The following TWF2 variants were observed in gnomAD, a reference collection of about 807,000 sequenced individuals.
The protein encoded by TWF2 is twinfilin actin binding protein 2.
TWF2 carries 15 observed loss-of-function variants against 45.1 expected under a neutral mutation model. That is an observed-to-expected ratio of 0.33 (90% CI 0.22 to 0.51). The LOEUF is 0.51. Among genes scored for constraint, TWF2 ranks in the 20% least tolerant of loss-of-function variants. The pLI is 0.97. For missense variants in TWF2, 423 were observed against 469.1 expected (o/e 0.90, Z 0.91); for synonymous variants, 177 against 195.8 (o/e 0.90, Z 0.80).
rs1699709793 is a variant in TWF2 at position 52,234,768 on chromosome 3, G to A, written c.103+261C>T. Among the ~76,000 whole-genome samples, 4 of 152,238 alleles carry A rather than the reference G, an allele frequency of 2.6e-5. No homozygotes were observed. In the South Asian group the frequency reaches 8.3e-4, roughly 31 times the overall value. ...CCATCTGAATATCCATGCAGCCTCT[G>A]GGAGGTGGCAGGACCCCAGGACAGG... On this transcript the variant is annotated intron_variant, in intron 2 of 8. Coordinates refer to ENST00000305533, the MANE Select transcript of TWF2 (RefSeq NM_007284.4).
chr3:52,229,896 G>C, intron 7 of TWF2, 24 bp downstream of exon 7: 1 of 1,599,314 alleles, frequency 6.3e-7, no homozygotes. Context: ...CCACAGGCTT[G>C]GGAGCCCTGC....
Position 52,229,005 on chromosome 3 carries a change from C to A in TWF2, c.*29G>T. The A allele has an allele frequency of 6.2e-7, 1 of 1,603,722 alleles. No homozygotes were observed. ...AGCGGAAGGTGGGCAGCCCCACAGT[C>A]CACACGTGGCCGGCCCTGCTCCAGC... On this transcript the variant is annotated 3_prime_UTR_variant, in exon 9 of 9. Coordinates refer to ENST00000305533, the MANE Select transcript of TWF2 (RefSeq NM_007284.4).
At position 52,234,081 on chromosome 3, in the gene TWF2, C is replaced by T. The variant is rs561523285; in HGVS notation, c.103+948G>A. 3.5e-4 allele frequency among the ~76,000 whole-genome samples: 54 copies of T among 152,230 alleles called. 1 individual carries two copies. The highest frequency in any genetic ancestry group is 1.9e-3 in the Admixed American group (29 of 15,280). Reference sequence around the variant, plus strand: ...ATATTCTGCCACAGTGACCCCTGCCCAGTCTCTGAGGGCATCAGAATTTGG... The same window carrying T: ...ATATTCTGCCACAGTGACCCCTGCCTAGTCTCTGAGGGCATCAGAATTTGG... On this transcript the variant is annotated intron_variant, in intron 2 of 8. Transcript: ENST00000305533.
chr3:52,235,152 C>G (rs1444130100), intron 1 of TWF2, 46 bp from the exon 2 acceptor site: 1 of 1,597,068 alleles, frequency 6.3e-7, no homozygotes, highest in Admixed American at 1.7e-5. Context: ...GCAGAGTGGA[C>G]AGAGACGAGT....
At chr3:52,230,817 G>C (rs977190660) in intron 6 of TWF2, 53 bp downstream of exon 6, 1 of 1,585,170 alleles carries the variant, frequency 6.3e-7, no homozygotes, top group Non-Finnish European at 8.6e-7. Flanking sequence ...CATGTGCATG[G>C]GCAGGAGTAG....
At position 52,230,995 on chromosome 3, in the gene TWF2, C is replaced by T; in HGVS notation, c.484G>A (p.Val162Met). 3 of 1,607,768 alleles carry T rather than the reference C, an allele frequency of 1.9e-6. No homozygotes were observed. The highest frequency in any genetic ancestry group is 1.1e-5 in the South Asian group (1 of 90,488). The change falls in exon 6 of 9, where the codon GTG (valine) becomes ATG (methionine). Residue 162 changes from valine (V) to methionine (M), a missense_variant and splice_region_variant. Val to Met is a conservative substitution (Grantham distance 21). Coordinates refer to ENST00000305533, the MANE Select transcript of TWF2 (RefSeq NM_007284.4). ...CTTTCCACACTGATCTCTGTCTTCA[C>T]CTGTGGGTAGGGGAATGGTGAGGGA... ...RELQQIRINE[V>M]KTEISVESKH... is the part of the protein sequence containing the mutation.
Position 52,235,075 on chromosome 3 carries a change from C to T in TWF2, c.57G>A (p.Lys19=). ...TGAGCCGCACAGAGCCAGCCCGTGC[C>T]TTGGCAAAGAATTCCTTCAGCTCTT... ...ATEELKEFFA[K]ARAGSVRLIK... Residue 19 remains lysine, a synonymous_variant, in exon 2 of 9, where the codon AAG becomes AAA. Coordinates refer to ENST00000305533, the MANE Select transcript of TWF2 (RefSeq NM_007284.4). 1 of 1,614,026 alleles carries T rather than the reference C, an allele frequency of 6.2e-7. No individual in the cohort carries two copies. Among genetic ancestry groups the T allele is most frequent in the Non-Finnish European group, 8.5e-7 (1 of 1,180,032 alleles).
Position 52,231,676 on chromosome 3 carries a change from C to G in TWF2, c.283-137G>C, listed in dbSNP as rs865912370. The G allele has an allele frequency of 2.6e-4, 279 of 1,061,946 alleles. 1 individual carries two copies. Among genetic ancestry groups the G allele is most frequent in the Middle Eastern group, 1.2e-3 (4 of 3,354 alleles). 65.8% of individuals were successfully genotyped at this position (1,061,946 alleles called of 1,614,324 possible). A position where few individuals can be genotyped will look rare whatever the true frequency, so the allele number is the denominator to read the frequency against. ...AGAGGGCCAGCCCGGGGCCAGGACG[C>G]AGCAGGTGGCCCCCACCAGCAGGGG... is the stretch of plus-strand genomic sequence containing the variant. On this transcript the variant is annotated intron_variant, in intron 3 of 8. Coordinates refer to ENST00000305533, the MANE Select transcript of TWF2 (RefSeq NM_007284.4).
chr3:52,238,862 C>G, intron 1 of TWF2, 130 bp downstream of exon 1: 2 of 1,316,404 alleles, frequency 1.5e-6, no homozygotes, highest in Non-Finnish European at 2.0e-6. Context: ...CCAGGCGACC[C>G]GCGGCTGCAA....
At chr3:52,238,365 G>A (rs1361418577) in intron 1 of TWF2, among the ~76,000 whole-genome samples, 1 of 152,196 alleles carries the variant, frequency 6.6e-6, no homozygotes, top group Non-Finnish European at 1.5e-5. Flanking sequence ...AGCCTGGGGA[G>A]AGTGAGTGTC....
chr3:52,238,994 T>C lies in TWF2; in HGVS notation c.23A>G (p.His8Arg), dbSNP rs1379785416. MAHQTGI[H>R]ATEELKEFFA... ...GCCCGCCCGCCATCCGCCCTCACCGTGGATGCCCGTTTGGTGCGCCATGGC... is the reference window on the plus strand; with the variant it reads ...GCCCGCCCGCCATCCGCCCTCACCGCGGATGCCCGTTTGGTGCGCCATGGC... The change falls in exon 1 of 9, where the codon CAC becomes CGC. Residue 8 changes from histidine (H) to arginine (R), a missense_variant and splice_region_variant. Coordinates refer to ENST00000305533, the MANE Select transcript of TWF2 (RefSeq NM_007284.4). 6.3e-7 allele frequency: 1 copy of C among 1,595,376 alleles called. No homozygotes were observed. The highest frequency in any genetic ancestry group is 2.0e-4 in the Middle Eastern group (1 of 5,096).
In TWF2 at chr3:52,230,985, T is replaced by A. The variant is rs373959049; in HGVS notation, c.494A>T (p.Glu165Val). 3.2e-5 allele frequency: 51 copies of A among 1,606,102 alleles called. No homozygotes were observed. Among genetic ancestry groups the A allele is most frequent in the Non-Finnish European group, 4.3e-5 (51 of 1,176,484 alleles). The change falls in exon 6 of 9, where the codon GAG becomes GTG. Residue 165 changes from glutamate to valine, a missense_variant. Glu to Val is a moderately radical substitution (Grantham distance 121). Coordinates refer to ENST00000305533, the MANE Select transcript of TWF2 (RefSeq NM_007284.4). ...CTGGTGCTTGCTTTCCACACTGATC[T>A]CTGTCTTCACCTGTGGGTAGGGGAA... is the stretch of plus-strand genomic sequence containing the variant. ...QQIRINEVKT[E>V]ISVESKHQTL...
At chr3:52,238,894 C>G (rs1386786609) in intron 1 of TWF2, 98 bp downstream of exon 1, 2 of 1,441,796 alleles carry the variant, frequency 1.4e-6, no homozygotes, top group South Asian at 2.5e-5. Context: ...AAGCTTTCTC[C>G]CGGCTGGTGT....
intron 6 of TWF2, 98 bp from the exon 7 acceptor site, chr3:52,230,168 G>C (rs981348101): frequency 1.4e-6 from 2 of 1,420,216 alleles, no homozygotes; most frequent in East Asian, 5.0e-5. Flanking sequence ...TGGTGGGCAG[G>C]AGCCTGATGT....
At position 52,231,525 on chromosome 3, in the gene TWF2, C is replaced by A. The variant is rs1257637790; in HGVS notation, c.297G>T (p.Met99Ile). Reference protein sequence around the residue: ...SPDNSPVRLKMLYAATRATVK... With the variant: ...SPDNSPVRLKILYAATRATVK... The stretch of plus-strand genomic sequence containing the variant: ...CTGTGGCCCGCGTGGCCGCGTACAG[C>A]ATCTTCAGCCGCACCTGAAGGGCAA... The change falls in exon 4 of 9, where the codon ATG becomes ATT. Residue 99 changes from methionine (M) to isoleucine (I), a missense_variant. By Grantham distance (10) the Met-to-Ile change is conservative. Transcript: ENST00000305533. 1.2e-6 allele frequency: 2 copies of A among 1,613,142 alleles called. No homozygotes were observed. The highest frequency in any genetic ancestry group is 3.3e-5 in the Admixed American group (2 of 59,978).
rs900899934 is a variant in TWF2 at position 52,238,866 on chromosome 3, G to C, written c.25+126C>G. On this transcript the variant is annotated intron_variant, in intron 1 of 8. Coordinates refer to ENST00000305533, the MANE Select transcript of TWF2 (RefSeq NM_007284.4). ...ATGTGCCCACCCCAGGCGACCCGCG[G>C]CTGCAAAAGAGAACAGGAAGCTTTC... The C allele has an allele frequency of 3.7e-6, 5 of 1,339,976 alleles. No homozygotes were observed. In the Admixed American group the frequency reaches 7.4e-5, roughly 20 times the overall value. 83.0% of individuals were successfully genotyped at this position (1,339,976 alleles called of 1,614,324 possible). A position where few individuals can be genotyped will look rare whatever the true frequency, so the allele number is the denominator to read the frequency against.
intron 2 of TWF2, among the ~76,000 whole-genome samples, 186 bp downstream of exon 2, chr3:52,234,843 T>C (rs1699710346): frequency 6.6e-6 from 1 of 152,070 alleles, no homozygotes; most frequent in Non-Finnish European, 1.5e-5. Flanking sequence ...ATAACAGAGG[T>C]GACAATTGCG....
intron 8 of TWF2, 29 bp downstream of exon 8, chr3:52,229,632 G>A (rs748595049): frequency 6.8e-6 from 11 of 1,611,602 alleles, no homozygotes; most frequent in East Asian, 6.7e-5. Flanking sequence ...TAGGGCCTGG[G>A]GAGGTGAGGC....
intron 8 of TWF2, 88 bp downstream of exon 8, chr3:52,229,573 C>T (rs780063279): frequency 3.0e-5 from 46 of 1,556,140 alleles, no homozygotes; most frequent in Non-Finnish European, 4.0e-5. Context: ...ACGATTCCTG[C>T]TCTGCCGTCA....
Sources: gnomAD v4.1 joint callset for allele counts (sites outside exome capture counted in the v4.1 genomes callset) on GRCh38, gnomAD v4.1.1 for gene constraint, MANE v1.5 for transcripts, NCBI Gene and HGNC (gene_info 2026-07-23, HGNC 2026-07-21) for gene names.